The following CENPC variants were observed in gnomAD, a reference collection of about 807,000 sequenced individuals.
The protein encoded by CENPC is centromere protein C.
A neutral mutation model predicts 112.1 loss-of-function variants in CENPC; 63 were observed. The observed-to-expected ratio is 0.56, with a 90% CI of 0.46 to 0.69. The LOEUF (loss-of-function observed/expected upper bound fraction) is 0.69, where lower values mean the gene tolerates loss of function less well. Among genes scored for constraint, CENPC ranks in the 30% least tolerant of loss-of-function variants. The pLI is 0.00. For synonymous variants in CENPC, 333 were observed against 367.6 expected (o/e 0.91, Z 1.08); for missense variants, 1,000 against 1,103.8 (o/e 0.91, Z 1.33).
At chr4:67,521,890 T>C (rs1461261580) in intron 5 of CENPC, among the ~76,000 whole-genome samples, 1 of 152,154 alleles carries the variant, frequency 6.6e-6, no homozygotes, top group Non-Finnish European at 1.5e-5. Context: ...CTGTCTGAAA[T>C]TCATGGACAG....
At chr4:67,524,211 C>T (rs975474617) in intron 5 of CENPC, among the ~76,000 whole-genome samples, 6 of 152,066 alleles carry the variant, frequency 3.9e-5, no homozygotes, top group African/African-American at 1.4e-4. Context: ...GATGATGTCA[C>T]AATAGATTTT....
At chr4:67,508,711 G>T in intron 10 of CENPC, 103 bp downstream of exon 10, 1 of 1,045,608 alleles carries the variant, frequency 9.6e-7, no homozygotes, top group Non-Finnish European at 1.4e-6. Context: ...AGAGTGCAGA[G>T]CTCTTCATGC....
rs1020533166 is a variant in CENPC, at chr4:67,518,194, T to C, written c.792A>G (p.Thr264=). The C allele has an allele frequency of 1.3e-6, 2 of 1,556,606 alleles. No homozygotes were observed. Among genetic ancestry groups the C allele is most frequent in the Non-Finnish European group, 1.7e-6 (2 of 1,150,724 alleles). ...TTCGTTTTACTGTTTCTAAAAACAATGTTGAAAAACTTTTTTTAGCTTGTC... is the reference window on the plus strand; with the variant it reads ...TTCGTTTTACTGTTTCTAAAAACAACGTTGAAAAACTTTTTTTAGCTTGTC... The part of the protein sequence containing the change: ...IQRQAKKSFS[T]LFLETVKRKS... Residue 264 remains threonine, a synonymous_variant, in exon 7 of 19, where the codon ACA becomes ACG. Coordinates refer to ENST00000273853, the MANE Select transcript of CENPC (RefSeq NM_001812.4).
At chr4:67,523,389 A>C (rs1726286645) in intron 5 of CENPC, among the ~76,000 whole-genome samples, 1 of 152,238 alleles carries the variant, frequency 6.6e-6, no homozygotes, top group Non-Finnish European at 1.5e-5. Context: ...CTAGTTGATA[A>C]AACTGTTTTC....
chr4:67,501,352 G>A (rs1321968622), intron 12 of CENPC, among the ~76,000 whole-genome samples: 1 of 152,130 alleles, frequency 6.6e-6, no homozygotes, highest in Non-Finnish European at 1.5e-5. Flanking sequence ...GTAGATGGGT[G>A]AACGTTGTGT....
At chr4:67,521,602 T>C (rs2109813911) in intron 5 of CENPC, among the ~76,000 whole-genome samples, 1 of 152,298 alleles carries the variant, frequency 6.6e-6, no homozygotes, top group East Asian at 1.9e-4. Context: ...AGAATGACAG[T>C]CACTATGAAA....
chr4:67,496,313 T>C (rs901606938), intron 12 of CENPC, among the ~76,000 whole-genome samples: 6 of 152,228 alleles, frequency 3.9e-5, no homozygotes, highest in African/African-American at 1.2e-4. Flanking sequence ...TATAAATTCA[T>C]GAGTGTACTC....
chr4:67,517,544 T>C (rs1363704299), intron 7 of CENPC, among the ~76,000 whole-genome samples: 1 of 150,126 alleles, frequency 6.7e-6, no homozygotes, highest in East Asian at 1.9e-4. Context: ...GATTTCTAAA[T>C]ACTGCATTGT....
intron 5 of CENPC, among the ~76,000 whole-genome samples, 162 bp from the exon 6 acceptor site, chr4:67,519,664 C>CTTAA (rs1313940703): frequency 2.0e-5 from 3 of 151,954 alleles, no homozygotes; most frequent in Admixed American, 1.3e-4. Flanking sequence ...TAAGTAAGTA[C>CTTAA]TTAAGATTCT....
chr4:67,480,963 A>G (rs571108920), intron 17 of CENPC, among the ~76,000 whole-genome samples: 7 of 152,338 alleles, frequency 4.6e-5, no homozygotes, highest in African/African-American at 1.7e-4. Context: ...GACAAAGGAA[A>G]GAAATAAAGG....
intron 5 of CENPC, 51 bp from the exon 6 acceptor site, chr4:67,519,553 A>T (rs1482154331): frequency 8.3e-7 from 1 of 1,206,802 alleles, no homozygotes; most frequent in Non-Finnish European, 1.1e-6. Context: ...ATAATAAGAG[A>T]ATCAAGCAGG....
At chr4:67,480,001 C>G (rs564045417) in intron 17 of CENPC, among the ~76,000 whole-genome samples, 1 of 151,974 alleles carries the variant, frequency 6.6e-6, no homozygotes, top group Non-Finnish European at 1.5e-5. Flanking sequence ...GAGATTGAAA[C>G]GGTAATAAAA....
intron 17 of CENPC, among the ~76,000 whole-genome samples, chr4:67,485,432 T>TA (rs1341582320): frequency 6.6e-6 from 1 of 151,232 alleles, no homozygotes; most frequent in Non-Finnish European, 1.5e-5. Flanking sequence ...TGTTAGAAAT[T>TA]AGTTTGTCTC....
At chr4:67,540,121 A>C (rs1477772606) in intron 3 of CENPC, among the ~76,000 whole-genome samples, 187 bp from the exon 4 acceptor site, 1 of 152,190 alleles carries the variant, frequency 6.6e-6, no homozygotes, top group Non-Finnish European at 1.5e-5. Flanking sequence ...AAATGAGAAA[A>C]GCAAACAAAA....
intron 12 of CENPC, among the ~76,000 whole-genome samples, chr4:67,502,549 C>T (rs968052114): frequency 5.9e-5 from 9 of 152,156 alleles, no homozygotes; most frequent in African/African-American, 2.2e-4. Flanking sequence ...TGATCAGTAA[C>T]AGCACTGAAA....
intron 9 of CENPC, chr4:67,510,707 A>C (rs1725869586): frequency 3.4e-6 from 1 of 291,814 alleles, no homozygotes; most frequent in African/African-American, 2.2e-5. Context: ...CTCCATATAC[A>C]TTTCTTCATA....
chr4:67,512,496 G>C lies in CENPC; in HGVS notation c.1518C>G (p.Asn506Lys). ...AAGTCACTTCTTCAGGTACAAGTTT[G>C]TTCTTGGACTCACTGGAAAAGCGCT... Reference protein sequence around the residue: ...KKKRFSSESKNKLVPEEVTST... With the variant: ...KKKRFSSESKKKLVPEEVTST... Residue 506 changes from asparagine (N) to lysine (K), a missense_variant, in exon 9 of 19, where the codon AAC becomes AAG. Physicochemically the swap from Asn to Lys is moderately conservative, Grantham distance 94. Transcript: ENST00000273853. 1 of 1,591,724 alleles carries C rather than the reference G, an allele frequency of 6.3e-7. No homozygotes were observed.
chr4:67,476,768 T>C (rs1017615835), intron 17 of CENPC, among the ~76,000 whole-genome samples: 2 of 152,214 alleles, frequency 1.3e-5, no homozygotes, highest in East Asian at 1.9e-4. Context: ...GGGAGACTTA[T>C]AGCCTAGCGC....
chr4:67,507,112 T>C (rs114673396), intron 10 of CENPC, among the ~76,000 whole-genome samples, 178 bp from the exon 11 acceptor site: 2,138 of 152,308 alleles, frequency 0.014, 34 homozygotes, highest in South Asian at 0.03. Flanking sequence ...TTCTAGGACC[T>C]ACCAAGAGTC....
Sources: allele counts gnomAD v4.1 joint callset (sites outside exome capture counted in the v4.1 genomes callset), GRCh38; gene constraint gnomAD v4.1.1; transcripts MANE v1.5; gene names NCBI Gene and HGNC (gene_info 2026-07-23, HGNC 2026-07-21).